APMAP: variants seen among roughly 807,000 people sequenced by gnomAD.
APMAP encodes adipocyte plasma membrane associated protein.
In APMAP, 33 loss-of-function variants were observed where a neutral mutation model predicts 43.6. The ratio of observed to expected loss-of-function variants is 0.76; its 90% CI spans 0.57 to 1.01. The LOEUF (loss-of-function observed/expected upper bound fraction) is 1.01. APMAP is among the 50% of genes least tolerant of loss of function. The pLI is 0.00. For missense variants in APMAP, 498 were observed against 540.7 expected, an observed-to-expected ratio of 0.92 and a Z score of 0.78; for synonymous variants, 224 against 216.7, an observed-to-expected ratio of 1.03 and a Z score of -0.30.
intron 5 of APMAP, among the ~76,000 whole-genome samples, chr20:24,970,986 G>C (rs2087994286): frequency 6.6e-6 from 1 of 152,160 alleles, no homozygotes; most frequent in South Asian, 2.1e-4. Context: ...TCCCCAGCAG[G>C]AACCTCCACT....
chr20:24,975,472 T>C (rs1162956465), intron 3 of APMAP, among the ~76,000 whole-genome samples: 1 of 152,180 alleles, frequency 6.6e-6, no homozygotes, highest in East Asian at 1.9e-4. Context: ...TAATATAATA[T>C]ACACGAGGTC....
chr20:24,989,183 A>G (rs917318950), intron 1 of APMAP, among the ~76,000 whole-genome samples: 1 of 151,484 alleles, frequency 6.6e-6, no homozygotes, highest in Admixed American at 6.6e-5. Context: ...CAGGTTCCCA[A>G]CCTGTGCTGA....
chr20:24,978,738 G>GGCCCC, intron 3 of APMAP, 29 bp downstream of exon 3: 1 of 1,309,734 alleles, frequency 7.6e-7, no homozygotes, highest in Non-Finnish European at 1.1e-6. Flanking sequence ...AGCCTGGAAG[G>GGCCCC]CTCCCCCCCC....
intron 2 of APMAP, among the ~76,000 whole-genome samples, chr20:24,980,789 A>G (rs2088097605): frequency 7.0e-6 from 1 of 142,480 alleles, no homozygotes; most frequent in Non-Finnish European, 1.5e-5. Context: ...ACTTCTACAC[A>G]CCGGGCAGTG....
chr20:24,968,939 G>A lies in APMAP; in HGVS notation c.994C>T (p.Leu332=), dbSNP rs942299408. 6 of 1,611,970 alleles carry A rather than the reference G, an allele frequency of 3.7e-6. No individual in the cohort carries two copies. The highest frequency in any genetic ancestry group is 1.7e-5 in the Admixed American group (1 of 59,616). The change falls in exon 8 of 9, where the codon CTG becomes TTG. Residue 332 remains leucine, a synonymous_variant. Transcript: ENST00000217456. ...TIRPNPGFSM[L]DFLSERPWIK... is the part of the protein sequence containing the mutation. ...CAGGGTCTCTCAGATAAGAAATCCA[G>A]CATGGAAAACCCAGGGTTAGGGCGG... is the stretch of plus-strand genomic sequence containing the variant.
chr20:24,963,926 G>A lies in APMAP; in HGVS notation c.1138C>T (p.Pro380Ser), dbSNP rs868774926. 6.2e-7 allele frequency: 1 copy of A among 1,614,242 alleles called. No individual in the cohort carries two copies. Among genetic ancestry groups the A allele is most frequent in the Non-Finnish European group, 8.5e-7 (1 of 1,180,044 alleles). Residue 380 changes from proline to serine, a missense_variant, in exon 9 of 9, where the codon CCC becomes TCC. Physicochemically the swap from Pro to Ser is moderately conservative, Grantham distance 74. Transcript: ENST00000217456. ...ATGTAGGTGGCCACCAGCCCATCGGGATCATGCAGGCTTCTCCGGAAGGCA... is the reference window on the plus strand; with the variant it reads ...ATGTAGGTGGCCACCAGCCCATCGGAATCATGCAGGCTTCTCCGGAAGGCA... ...SGAFRRSLHD[P>S]DGLVATYISE... is the part of the protein sequence containing the mutation.
In APMAP at chr20:24,974,336, A is replaced by G. The variant is rs1451581109; in HGVS notation, c.329-599T>C. 4 of 152,230 alleles carry G rather than the reference A, an allele frequency of 2.6e-5. No individual in the cohort carries two copies. The East Asian group carries it at 7.7e-4, about 29-fold the overall frequency. 9.4% of individuals were successfully genotyped at this position (152,230 alleles called of 1,614,324 possible). A position where few individuals can be genotyped will look rare whatever the true frequency, so the allele number is the denominator to read the frequency against. On this transcript the variant is annotated intron_variant, in intron 3 of 8. Coordinates refer to ENST00000217456, the MANE Select transcript of APMAP (RefSeq NM_020531.3). Reference sequence around the variant, plus strand: ...ACTACAAAAAGTAAAAAAAAGAAGTATAACTGATATGCTAAGAAAGGAGAG... The same window carrying G: ...ACTACAAAAAGTAAAAAAAAGAAGTGTAACTGATATGCTAAGAAAGGAGAG...
chr20:24,972,992 G>A (rs781745577), intron 4 of APMAP, among the ~76,000 whole-genome samples: 8 of 152,214 alleles, frequency 5.3e-5, no homozygotes, highest in Non-Finnish European at 1.0e-4. Context: ...ACAAAAAGAT[G>A]TCTGAAAAGT....
intron 3 of APMAP, among the ~76,000 whole-genome samples, chr20:24,978,043 T>C (rs1478533208): frequency 1.3e-5 from 2 of 152,200 alleles, no homozygotes; most frequent in African/African-American, 4.8e-5. Flanking sequence ...TGTGTGCACA[T>C]ATCCACAGCC....
intron 8 of APMAP, among the ~76,000 whole-genome samples, chr20:24,966,292 A>G (rs2087942349): frequency 6.6e-6 from 1 of 152,254 alleles, no homozygotes; most frequent in Middle Eastern, 3.2e-3. Flanking sequence ...ATCAAAATCA[A>G]TGATGACTGT....
chr20:24,967,796 A>G (rs2087958738), intron 8 of APMAP, among the ~76,000 whole-genome samples: 1 of 152,166 alleles, frequency 6.6e-6, no homozygotes, highest in East Asian at 1.9e-4. Context: ...CCCACCTGCC[A>G]TTTTGCCTCC....
chr20:24,965,456 T>C (rs2087934388), intron 8 of APMAP, among the ~76,000 whole-genome samples: 1 of 152,184 alleles, frequency 6.6e-6, no homozygotes. Context: ...GCAGGGTACA[T>C]GTGTGCAGGG....
intron 7 of APMAP, 86 bp from the exon 8 acceptor site, chr20:24,969,170 T>A: frequency 7.8e-7 from 1 of 1,282,456 alleles, no homozygotes. Flanking sequence ...CTGGTCTTGG[T>A]CCAAATATAT....
At chr20:24,966,045 G>A (rs201699844) in intron 8 of APMAP, among the ~76,000 whole-genome samples, 1 of 152,184 alleles carries the variant, frequency 6.6e-6, no homozygotes, top group East Asian at 1.9e-4. Context: ...TTAGGGACCT[G>A]GGAGCAGCGA....
At position 24,968,894 on chromosome 20, in the gene APMAP, T is replaced by TA; in HGVS notation, c.1038dup (p.Lys347Ter). The TA allele has an allele frequency of 6.3e-7, 1 of 1,583,278 alleles. No homozygotes were observed. Among genetic ancestry groups the TA allele is most frequent in the African/African-American group, 1.4e-5 (1 of 73,504 alleles). On this transcript the variant is annotated frameshift_variant, in exon 8 of 9. Transcript: ENST00000217456. LOFTEE classifies it high-confidence loss of function. ...GGAATAACAGTTTTCACAGTTACCT[T>TA]AAAAATCATCCTTTTAATCCAGGGT...
chr20:24,983,324 A>T (rs1157922252), intron 2 of APMAP, among the ~76,000 whole-genome samples: 1 of 152,220 alleles, frequency 6.6e-6, no homozygotes, highest in East Asian at 1.9e-4. Context: ...ACTGAACCAG[A>T]CTGCACAACC....
At chr20:24,973,761 G>A (rs2088026681) in intron 3 of APMAP, 24 bp from the exon 4 acceptor site, 1 of 1,604,726 alleles carries the variant, frequency 6.2e-7, no homozygotes, top group Non-Finnish European at 8.5e-7. Flanking sequence ...CAAAAAGGAG[G>A]AAGAGCAATG....
At chr20:24,979,717 G>T (rs1409103205) in intron 2 of APMAP, among the ~76,000 whole-genome samples, 1 of 151,960 alleles carries the variant, frequency 6.6e-6, no homozygotes, top group Non-Finnish European at 1.5e-5. Flanking sequence ...CCTCTATTCA[G>T]AGCCCCACAA....
At position 24,969,612 on chromosome 20, in the gene APMAP, G is replaced by A. The variant is rs752621572; in HGVS notation, c.762C>T (p.Asp254=). 3 of 1,613,994 alleles carry A rather than the reference G, an allele frequency of 1.9e-6. No individual in the cohort carries two copies. Among genetic ancestry groups the A allele is most frequent in the African/African-American group, 1.3e-5 (1 of 74,932 alleles). Residue 254 remains aspartate (D), a synonymous_variant, in exon 7 of 9, where the codon GAC becomes GAT. Transcript: ENST00000217456. ...TVTREVKVLL[D]QLRFPNGVQL... is the part of the protein sequence containing the mutation. ...GGACTCCATTCGGGAACCGCAGCTGGTCCAATAAAACTTTTACTTCCCTGG... is the reference window on the plus strand; with the variant it reads ...GGACTCCATTCGGGAACCGCAGCTGATCCAATAAAACTTTTACTTCCCTGG...
Sources: gnomAD v4.1 joint callset for allele counts (sites outside exome capture counted in the v4.1 genomes callset) on GRCh38, gnomAD v4.1.1 for gene constraint, MANE v1.5 for transcripts, NCBI Gene and HGNC (gene_info 2026-07-23, HGNC 2026-07-21) for gene names.